The following DGKI variants were observed in gnomAD, a reference collection of about 807,000 sequenced individuals.
The protein encoded by DGKI is diacylglycerol kinase iota.
In DGKI, 55 loss-of-function variants were observed where a neutral mutation model predicts 147.5. That is an observed-to-expected ratio of 0.37 (90% CI 0.30 to 0.47). The LOEUF is 0.47. Among genes scored for constraint, DGKI ranks in the 20% least tolerant of loss-of-function variants. DGKI has a pLI of 1.00. For synonymous variants in DGKI, 469 were observed against 477.1 expected, an observed-to-expected ratio of 0.98 and a Z score of 0.22; for missense variants, 1,007 against 1,323.8, an observed-to-expected ratio of 0.76 and a Z score of 3.71.
intron 11 of DGKI, among the ~76,000 whole-genome samples, chr7:137,598,332 TC>T (rs1308313205): frequency 6.6e-6 from 1 of 152,194 alleles, no homozygotes; most frequent in Non-Finnish European, 1.5e-5. Flanking sequence ...TTATTAGTTT[TC>T]CCTGGATGTA....
intron 12 of DGKI, among the ~76,000 whole-genome samples, chr7:137,595,457 T>A (rs1210287412): frequency 6.6e-6 from 1 of 152,200 alleles, no homozygotes; most frequent in Non-Finnish European, 1.5e-5. Context: ...TTCTTGAAAC[T>A]CCTTTTTTGG....
At chr7:137,619,160 T>C (rs968616497) in intron 8 of DGKI, among the ~76,000 whole-genome samples, 1 of 152,156 alleles carries the variant, frequency 6.6e-6, no homozygotes, top group Admixed American at 6.5e-5. Flanking sequence ...CAAGGATGTA[T>C]AGTACAAAGG....
In DGKI at chr7:137,742,316, TA is replaced by T. The variant is rs566966810; in HGVS notation, c.402-52315del. On this transcript the variant is annotated intron_variant, in intron 1 of 32. Transcript: ENST00000614521. ...TGGTGCGCTGTTACATCCAAAAGGA[TA>T]AAAAAAAAATAAAGGAAGAAACAGA... Among the ~76,000 whole-genome samples the T allele has an allele frequency of 7.4e-3, 1,089 of 148,064 alleles. 9 individuals are homozygous for T. Among genetic ancestry groups the T allele is most frequent in the African/African-American group, 0.013 (527 of 40,414 alleles).
intron 5 of DGKI, among the ~76,000 whole-genome samples, chr7:137,653,205 A>C (rs1822099700): frequency 1.3e-5 from 2 of 152,226 alleles, no homozygotes; most frequent in South Asian, 4.1e-4. Context: ...TGTGTCCAAA[A>C]TCCAATCAAT....
At chr7:137,700,922 T>TAAAA (rs869160838) in intron 1 of DGKI, among the ~76,000 whole-genome samples, 153 of 135,690 alleles carry the variant, frequency 1.1e-3, no homozygotes, top group Middle Eastern at 3.8e-3. Flanking sequence ...AATAAATAAA[T>TAAAA]AAAATAAAGT....
chr7:137,443,828 A>G (rs78999345), intron 28 of DGKI, among the ~76,000 whole-genome samples: 2,893 of 152,350 alleles, frequency 0.019, 48 homozygotes, highest in Non-Finnish European at 0.027. Context: ...TGGGACTGAA[A>G]TCAGGCAGAA....
intron 20 of DGKI, among the ~76,000 whole-genome samples, chr7:137,522,844 T>C (rs1817010219): frequency 6.6e-6 from 1 of 152,132 alleles, no homozygotes; most frequent in African/African-American, 2.4e-5. Flanking sequence ...TATATTAATA[T>C]AACAAAATAC....
chr7:137,689,884 C>G lies in DGKI; in HGVS notation c.510+10G>C, dbSNP rs1413912222. ...TGAAGTGATGTTTAAATGAAAAGGC[C>G]AACACCTACACTCCAGTCCAAAGTC... On this transcript the variant is annotated intron_variant, in intron 2 of 32. Coordinates refer to ENST00000614521, the MANE Select transcript of DGKI (RefSeq NM_001321708.2). 2 of 1,524,966 alleles carry G rather than the reference C, an allele frequency of 1.3e-6. No individual in the cohort carries two copies. The highest frequency in any genetic ancestry group is 1.3e-5 in the South Asian group (1 of 79,392). The allele number at this position is 1,524,966 out of a possible 1,614,324, so 94.5% of individuals were successfully genotyped here. A position where few individuals can be genotyped will look rare whatever the true frequency, so the allele number is the denominator to read the frequency against.
At chr7:137,736,228 C>T (rs1301305448) in intron 1 of DGKI, among the ~76,000 whole-genome samples, 3 of 152,036 alleles carry the variant, frequency 2.0e-5, no homozygotes, top group Admixed American at 6.6e-5. Context: ...GATTTTGCAA[C>T]CTGATCATTA....
At chr7:137,523,650 C>A (rs1817043823) in intron 20 of DGKI, among the ~76,000 whole-genome samples, 1 of 152,062 alleles carries the variant, frequency 6.6e-6, no homozygotes, top group South Asian at 2.1e-4. Context: ...TATACCGATC[C>A]ATCACTCAAA....
At chr7:137,438,644 G>A (rs1813374348) in intron 28 of DGKI, among the ~76,000 whole-genome samples, 1 of 152,036 alleles carries the variant, frequency 6.6e-6, no homozygotes, top group Non-Finnish European at 1.5e-5. Context: ...TTGTTTGCAA[G>A]AGCAAAACAA....
chr7:137,640,131 T>C (rs1334603381), intron 6 of DGKI, among the ~76,000 whole-genome samples: 1 of 152,026 alleles, frequency 6.6e-6, no homozygotes, highest in African/African-American at 2.4e-5. Context: ...TAGGCCTTAC[T>C]CGGCTTGCAT....
intron 23 of DGKI, among the ~76,000 whole-genome samples, chr7:137,470,621 G>A (rs1814845863): frequency 6.6e-6 from 1 of 152,070 alleles, no homozygotes; most frequent in Non-Finnish European, 1.5e-5. Context: ...AGGCTGGAGT[G>A]CAGTGGTGTG....
At chr7:137,578,911 TTTAA>T (rs1219272951) in intron 15 of DGKI, among the ~76,000 whole-genome samples, 2 of 152,200 alleles carry the variant, frequency 1.3e-5, no homozygotes, top group Non-Finnish European at 2.9e-5. Context: ...TTAATGCCAG[TTTAA>T]TTATTCCTTC....
At chr7:137,433,302 C>T (rs1310123706) in intron 28 of DGKI, among the ~76,000 whole-genome samples, 1 of 152,156 alleles carries the variant, frequency 6.6e-6, no homozygotes, top group Admixed American at 6.5e-5. Flanking sequence ...TCAAATGAAA[C>T]AGTGACAACA....
At chr7:137,698,099 T>C (rs747103271) in intron 1 of DGKI, among the ~76,000 whole-genome samples, 16 of 149,662 alleles carry the variant, frequency 1.1e-4, no homozygotes, top group Non-Finnish European at 1.9e-4. Context: ...TAGAGAGATA[T>C]ATATAACTCC....
intron 23 of DGKI, among the ~76,000 whole-genome samples, chr7:137,473,913 T>C (rs972761306): frequency 3.3e-5 from 5 of 152,216 alleles, no homozygotes; most frequent in African/African-American, 9.7e-5. Flanking sequence ...ATTTTAACAA[T>C]TGGATACTTT....
At chr7:137,569,329 C>T (rs1818701298) in intron 19 of DGKI, among the ~76,000 whole-genome samples, 1 of 152,150 alleles carries the variant, frequency 6.6e-6, no homozygotes. Context: ...ATGATAACCA[C>T]TCAATAAATG....
At chr7:137,621,860 G>A (rs1004056461) in intron 7 of DGKI, among the ~76,000 whole-genome samples, 5 of 152,170 alleles carry the variant, frequency 3.3e-5, no homozygotes, top group African/African-American at 9.7e-5. Context: ...AGATGCAGCC[G>A]ATCTGAGCAC....
Sources: gnomAD v4.1 joint callset for allele counts (sites outside exome capture counted in the v4.1 genomes callset) on GRCh38, gnomAD v4.1.1 for gene constraint, MANE v1.5 for transcripts, NCBI Gene and HGNC (gene_info 2026-07-23, HGNC 2026-07-21) for gene names.